KCND2: variants seen among roughly 807,000 people sequenced by gnomAD.
KCND2 encodes the protein potassium voltage-gated channel subfamily D member 2, also known as A-type voltage-gated potassium channel KCND2.
Under a neutral mutation model 54.4 loss-of-function variants are expected in KCND2, and 16 were observed. The observed-to-expected ratio is 0.29, with a 90% CI of 0.20 to 0.45. The LOEUF (loss-of-function observed/expected upper bound fraction) is 0.45, where lower values mean the gene tolerates loss of function less well. KCND2 is among the 20% of genes least tolerant of loss of function. The pLI is 1.00. For missense variants in KCND2, 486 were observed against 824.2 expected, an observed-to-expected ratio of 0.59 and a Z score of 5.02; for synonymous variants, 317 against 310.7, an observed-to-expected ratio of 1.02 and a Z score of -0.21.
At chr7:120,579,357 C>A (rs1584837609) in intron 1 of KCND2, among the ~76,000 whole-genome samples, 2 of 152,066 alleles carry the variant, frequency 1.3e-5, no homozygotes, top group South Asian at 4.2e-4. Flanking sequence ...GTTATCCCAG[C>A]ACTTTGGGAG....
intron 1 of KCND2, among the ~76,000 whole-genome samples, chr7:120,712,050 G>A (rs1792544869): frequency 6.6e-6 from 1 of 151,452 alleles, no homozygotes; most frequent in South Asian, 2.1e-4. Context: ...ATGAAGAGGA[G>A]CTGACTTGAT....
At chr7:120,501,484 A>G (rs1802932250) in intron 1 of KCND2, among the ~76,000 whole-genome samples, 1 of 152,186 alleles carries the variant, frequency 6.6e-6, no homozygotes, top group Non-Finnish European at 1.5e-5. Context: ...TTGCCAATGC[A>G]ATGGCAACAA....
chr7:120,490,659 C>A (rs1802766429), intron 1 of KCND2, among the ~76,000 whole-genome samples: 1 of 152,046 alleles, frequency 6.6e-6, no homozygotes, highest in Admixed American at 6.6e-5. Flanking sequence ...TCTTAAGGTG[C>A]AGAGTGATAT....
At chr7:120,357,507 T>C (rs1321033041) in intron 1 of KCND2, among the ~76,000 whole-genome samples, 1 of 152,190 alleles carries the variant, frequency 6.6e-6, no homozygotes, top group African/African-American at 2.4e-5. Context: ...AATAATCTTA[T>C]GTTATTGCAA....
intron 1 of KCND2, among the ~76,000 whole-genome samples, chr7:120,685,642 C>T (rs994074516): frequency 6.6e-6 from 1 of 152,102 alleles, no homozygotes; most frequent in Non-Finnish European, 1.5e-5. Flanking sequence ...TACATATTTG[C>T]TATCACAAAA....
intron 1 of KCND2, among the ~76,000 whole-genome samples, chr7:120,328,101 T>C (rs1800007244): frequency 6.6e-6 from 1 of 152,156 alleles, no homozygotes; most frequent in Non-Finnish European, 1.5e-5. Context: ...TTGTATTTCA[T>C]GATACAATGT....
chr7:120,519,910 A>T (rs1315142234), intron 1 of KCND2, among the ~76,000 whole-genome samples: 1 of 152,160 alleles, frequency 6.6e-6, no homozygotes, highest in African/African-American at 2.4e-5. Flanking sequence ...TTATGCAATC[A>T]AAGTTAATAT....
At chr7:120,560,329 G>A (rs1019956388) in intron 1 of KCND2, among the ~76,000 whole-genome samples, 3 of 152,100 alleles carry the variant, frequency 2.0e-5, no homozygotes, top group Admixed American at 2.0e-4. Flanking sequence ...CTACATTTAA[G>A]ACTTGCTACT....
chr7:120,335,579 G>A lies in KCND2; in HGVS notation c.1115+59832G>A, dbSNP rs139739341. Reference sequence around the variant, plus strand: ...TTGGCTCACTGCAAGCGCCACCTCCGGGTTCACGCCATTCTCCTGCCTCAG... The same window carrying A: ...TTGGCTCACTGCAAGCGCCACCTCCAGGTTCACGCCATTCTCCTGCCTCAG... On this transcript the variant is annotated intron_variant, in intron 1 of 5. Transcript: ENST00000331113. Among the ~76,000 whole-genome samples the A allele has an allele frequency of 8.5e-3, 1,286 of 151,470 alleles. 14 individuals are homozygous for A. The highest frequency in any genetic ancestry group is 0.063 in the East Asian group (318 of 5,068).
chr7:120,665,431 T>C (rs1791914586), intron 1 of KCND2, among the ~76,000 whole-genome samples: 1 of 152,088 alleles, frequency 6.6e-6, no homozygotes, highest in African/African-American at 2.4e-5. Flanking sequence ...CACTTTTCAG[T>C]ATCTTAAATT....
chr7:120,695,349 C>T (rs1037149044), intron 1 of KCND2, among the ~76,000 whole-genome samples: 2 of 151,968 alleles, frequency 1.3e-5, no homozygotes, highest in African/African-American at 2.4e-5. Flanking sequence ...TATGTTTGTC[C>T]TTAATTATAA....
chr7:120,463,299 G>A (rs962475756), intron 1 of KCND2, among the ~76,000 whole-genome samples: 9 of 151,418 alleles, frequency 5.9e-5, no homozygotes, highest in African/African-American at 2.2e-4. Context: ...CAAAGTAAAT[G>A]CAACTGATAC....
Position 120,274,615 on chromosome 7 carries a change from C to G in KCND2, c.-18C>G, listed in dbSNP as rs747548004. On this transcript the variant is annotated 5_prime_UTR_variant, in exon 1 of 6. Coordinates refer to ENST00000331113, the MANE Select transcript of KCND2 (RefSeq NM_012281.3). ...TGTAGACGCCTCGTTACCCTTCTTC[C>G]TTCCGCTTCAAGTAATCATGGCGGC... 131 of 1,614,020 alleles carry G rather than the reference C, an allele frequency of 8.1e-5. No individual in the cohort carries two copies. Among genetic ancestry groups the G allele is most frequent in the Non-Finnish European group, 8.0e-5 (94 of 1,180,036 alleles).
At chr7:120,710,313 C>G (rs1351543856) in intron 1 of KCND2, among the ~76,000 whole-genome samples, 1 of 152,144 alleles carries the variant, frequency 6.6e-6, no homozygotes, top group Non-Finnish European at 1.5e-5. Flanking sequence ...TTTATAATTG[C>G]TTTGCCATTG....
At chr7:120,299,239 A>G (rs1351058558) in intron 1 of KCND2, among the ~76,000 whole-genome samples, 1 of 152,156 alleles carries the variant, frequency 6.6e-6, no homozygotes, top group East Asian at 1.9e-4. Flanking sequence ...TTATTTTCTT[A>G]CTACCACTTT....
intron 1 of KCND2, among the ~76,000 whole-genome samples, chr7:120,582,621 C>T (rs1367608735): frequency 6.6e-6 from 1 of 152,110 alleles, no homozygotes; most frequent in African/African-American, 2.4e-5. Context: ...TTTCTCCATC[C>T]TCCCATTCCA....
chr7:120,636,762 T>C (rs530059445), intron 1 of KCND2, among the ~76,000 whole-genome samples: 122 of 152,270 alleles, frequency 8.0e-4, no homozygotes, highest in Admixed American at 1.8e-3. Flanking sequence ...AGAACATTAA[T>C]TAGGTCAAAC....
intron 1 of KCND2, among the ~76,000 whole-genome samples, chr7:120,541,463 G>C (rs1791978476): frequency 6.6e-6 from 1 of 151,976 alleles, no homozygotes; most frequent in African/African-American, 2.4e-5. Flanking sequence ...CTCTACCTAT[G>C]CAAATACCCA....
rs562798465 is a variant in KCND2, at chr7:120,511,003, ATC to A, written c.1116-221879_1116-221878del. 3.4e-3 allele frequency among the ~76,000 whole-genome samples: 439 copies of A among 127,256 alleles called. 1 individual carries two copies. Among genetic ancestry groups the A allele is most frequent in the African/African-American group, 4.7e-3 (167 of 35,620 alleles). 83.5% of individuals were successfully genotyped at this position (127,256 alleles called of 152,430 possible). On this transcript the variant is annotated intron_variant, in intron 1 of 5. Coordinates refer to ENST00000331113, the MANE Select transcript of KCND2 (RefSeq NM_012281.3). ...CTCCCATGACTTGACACCTTTCCCC[ATC>A]TCTCTCTCTCTCTCTCTCTCACACA... is the stretch of plus-strand genomic sequence containing the variant.
Sources: allele counts gnomAD v4.1 joint callset (sites outside exome capture counted in the v4.1 genomes callset), GRCh38; gene constraint gnomAD v4.1.1; transcripts MANE v1.5; gene names NCBI Gene and HGNC (gene_info 2026-07-23, HGNC 2026-07-21).